Variants in NFIC observed in about 807,000 individuals in gnomAD.
The protein encoded by NFIC is nuclear factor I C, also known as nuclear factor 1 C-type.
Under a neutral mutation model 54.4 loss-of-function variants are expected in NFIC, and 12 were observed. That is an observed-to-expected ratio of 0.22 (90% CI 0.14 to 0.36). The LOEUF is 0.36. NFIC is among the 10% of genes least tolerant of loss of function. The pLI is 1.00. For missense variants in NFIC, 575 were observed against 718.2 expected, an observed-to-expected ratio of 0.80 and a Z score of 2.28; for synonymous variants, 322 against 319.2, an observed-to-expected ratio of 1.01 and a Z score of -0.09.
chr19:3,415,935 G>A (rs113041217), intron 2 of NFIC, among the ~76,000 whole-genome samples: 1,742 of 152,054 alleles, frequency 0.011, 32 homozygotes, highest in African/African-American at 0.041. Context: ...GGCAGGAGGA[G>A]CGCTTCAGCC....
intron 2 of NFIC, among the ~76,000 whole-genome samples, chr19:3,404,795 C>T (rs913108431): frequency 2.6e-5 from 4 of 152,216 alleles, no homozygotes; most frequent in Non-Finnish European, 5.9e-5. Flanking sequence ...CGAGTCCCTA[C>T]GCGCAGGCCT....
intron 2 of NFIC, among the ~76,000 whole-genome samples, chr19:3,400,507 TCA>T (rs1182857213): frequency 1.3e-5 from 2 of 151,150 alleles, no homozygotes; most frequent in Non-Finnish European, 2.9e-5. Flanking sequence ...CTCGTGGAAC[TCA>T]CAGTTTGGTT....
chr19:3,390,993 T>C (rs2081368592), intron 2 of NFIC, among the ~76,000 whole-genome samples: 1 of 152,128 alleles, frequency 6.6e-6, no homozygotes, highest in Non-Finnish European at 1.5e-5. Flanking sequence ...TTAATGCCAC[T>C]GAACTTAGAA....
chr19:3,449,634 C>A (rs371840980), intron 7 of NFIC, among the ~76,000 whole-genome samples: 24 of 151,514 alleles, frequency 1.6e-4, no homozygotes, highest in African/African-American at 4.8e-4. Flanking sequence ...GTGGCACGCA[C>A]CTGTAGTCCC....
At chr19:3,434,867 C>A (rs1221950973) in intron 5 of NFIC, among the ~76,000 whole-genome samples, 1 of 152,248 alleles carries the variant, frequency 6.6e-6, no homozygotes, top group African/African-American at 2.4e-5. Flanking sequence ...TTGAGACCCT[C>A]CCTGCCTCTG....
intron 2 of NFIC, among the ~76,000 whole-genome samples, chr19:3,406,671 G>A (rs777627490): frequency 2.0e-5 from 3 of 152,158 alleles, no homozygotes; most frequent in African/African-American, 4.8e-5. Flanking sequence ...ACAGGAAGGG[G>A]GCAGAGGCTC....
Position 3,434,334 on chromosome 19 carries a change from T to C in NFIC, c.767T>C (p.Leu256Pro), listed in dbSNP as rs758639568. The C allele has an allele frequency of 6.2e-7, 1 of 1,613,492 alleles. No individual in the cohort carries two copies. The change falls in exon 5 of 11, where the codon CTG (leucine) becomes CCG (proline). Residue 256 changes from leucine (L) to proline (P), a missense_variant. By Grantham distance (98) the Leu-to-Pro change is moderately conservative (BLOSUM62 -3). Around this residue, in one of 3 missense-constraint regions of NFIC, gnomAD observed 447 missense variants for 526.9 expected, o/e 0.85. Transcript: ENST00000443272. ...TCCCTGGGGGAGCTGCAGGGGCACC[T>C]GGCATACGACCTGAACCCAGCCAGC... is the stretch of plus-strand genomic sequence containing the variant. ...NFSLGELQGHLAYDLNPASTG... is the reference protein window; with the variant it reads ...NFSLGELQGHPAYDLNPASTG...
rs1042591442 is a variant in NFIC, at chr19:3,452,186, G to T, written c.1085-296G>T. Among the ~76,000 whole-genome samples the T allele has an allele frequency of 6.6e-6, 1 of 151,216 alleles. No homozygotes were observed. The highest frequency in any genetic ancestry group is 6.6e-5 in the Admixed American group (1 of 15,140). On this transcript the variant is annotated intron_variant, in intron 7 of 10. Transcript: ENST00000443272. The surrounding 1 kb of genome is among the most constrained non-coding windows in gnomAD (Gnocchi z 5.3). Reference sequence around the variant, plus strand: ...TTTGGGAGGCCTAGGAGGGAGGATCGCTTGAGCCCAGGAGTTCGAGACCTG... The same window carrying T: ...TTTGGGAGGCCTAGGAGGGAGGATCTCTTGAGCCCAGGAGTTCGAGACCTG...
In NFIC at chr19:3,405,602, T is replaced by A. The variant is rs552440914; in HGVS notation, c.563-19504T>A. On this transcript the variant is annotated intron_variant, in intron 2 of 10. Coordinates refer to ENST00000443272, the MANE Select transcript of NFIC (RefSeq NM_001245002.2). The stretch of plus-strand genomic sequence containing the variant: ...TTTTATTTAATTTAATTTATTTATT[T>A]ATTTATTTATTTTTGAGATGGAGTT... Among the ~76,000 whole-genome samples the A allele has an allele frequency of 3.1e-3, 465 of 152,144 alleles. 1 individual carries two copies. The highest frequency in any genetic ancestry group is 9.9e-3 in the African/African-American group (413 of 41,540).
At chr19:3,422,489 G>A (rs577529799) in intron 2 of NFIC, among the ~76,000 whole-genome samples, 5 of 151,576 alleles carry the variant, frequency 3.3e-5, no homozygotes, top group South Asian at 2.1e-4. Flanking sequence ...AGGCCGAGGC[G>A]GGCGGATCAC....
intron 3 of NFIC, among the ~76,000 whole-genome samples, chr19:3,431,360 C>CTTT (rs71164702): frequency 3.1e-4 from 26 of 84,170 alleles, no homozygotes; most frequent in East Asian, 1.1e-3. Context: ...TTTCCTTCTT[C>CTTT]TTTTTTTTTT....
chr19:3,429,247 AATAT>A lies in NFIC; in HGVS notation c.634+4074_634+4077del, dbSNP rs1246981069. 8.0e-5 allele frequency among the ~76,000 whole-genome samples: 3 copies of A among 37,694 alleles called. 1 individual carries two copies. The highest frequency in any genetic ancestry group is 3.0e-3 in the East Asian group (2 of 664). 24.7% of individuals were successfully genotyped at this position (37,694 alleles called of 152,430 possible). A position where few individuals can be genotyped will look rare whatever the true frequency, so the allele number is the denominator to read the frequency against. ...TCTCTACCCCAAAAAAAAAAAAAAA[AATAT>A]ATACACACACACACACACACACACA... On this transcript the variant is annotated intron_variant, in intron 3 of 10. Transcript: ENST00000443272.
At chr19:3,368,913 C>CTGTGTGTGTGTGTGTGTGTG (rs59920512) in intron 1 of NFIC, among the ~76,000 whole-genome samples, 166 of 147,058 alleles carry the variant, frequency 1.1e-3, no homozygotes, top group African/African-American at 4.2e-3. Flanking sequence ...TGCTCTGACT[C>CTGTGTGTGTGTGTGTGTGTG]TGTGTGTGTG....
chr19:3,422,527 C>T (rs2081968386), intron 2 of NFIC, among the ~76,000 whole-genome samples: 1 of 151,326 alleles, frequency 6.6e-6, no homozygotes, highest in Non-Finnish European at 1.5e-5. Context: ...ACCATCCTGG[C>T]TAACACGGTG....
rs559632379 is a variant in NFIC at position 3,421,467 on chromosome 19, G to A, written c.563-3639G>A. ...AGGGGCCGCTGGCAGCCCCAGCCTG[G>A]GATCGGCTGCAGGGCTTGGGGCCGA... On this transcript the variant is annotated intron_variant, in intron 2 of 10. Transcript: ENST00000443272. Among the ~76,000 whole-genome samples the A allele has an allele frequency of 2.5e-3, 375 of 152,364 alleles. 2 individuals carry two copies. The highest frequency in any genetic ancestry group is 8.7e-3 in the African/African-American group (362 of 41,582).
chr19:3,393,559 A>T (rs978064649), intron 2 of NFIC, among the ~76,000 whole-genome samples: 1 of 151,962 alleles, frequency 6.6e-6, no homozygotes, highest in Non-Finnish European at 1.5e-5. Context: ...TCACACCTGT[A>T]ATCCCAGCAC....
rs144560186 is a variant in NFIC, at chr19:3,406,829, C to T, written c.563-18277C>T. 1.5e-4 allele frequency among the ~76,000 whole-genome samples: 23 copies of T among 152,292 alleles called. 1 individual carries two copies. The East Asian group carries it at 4.4e-3, about 29-fold the overall frequency. ...GCCGGGAGCTGTGGACGATAAACCA[C>T]ATTTGAACAGAAGCCTGAATAAAGC... On this transcript the variant is annotated intron_variant, in intron 2 of 10. Coordinates refer to ENST00000443272, the MANE Select transcript of NFIC (RefSeq NM_001245002.2).
Position 3,464,570 on chromosome 19 carries a change from ACTCCC to A in NFIC, c.*1803_*1807del. 1 of 953,888 alleles carries A rather than the reference ACTCCC, an allele frequency of 1.0e-6. No individual in the cohort carries two copies. The highest frequency in any genetic ancestry group is 1.2e-6 in the Non-Finnish European group (1 of 810,070). 59.1% of individuals were successfully genotyped at this position (953,888 alleles called of 1,614,324 possible). On this transcript the variant is annotated 3_prime_UTR_variant, in exon 11 of 11. Transcript: ENST00000443272. ...AACTGACCTCCATGCCTAGGGAAAA[ACTCCC>A]CCCACCACTGCCCCCTCCCCCGACC...
intron 1 of NFIC, among the ~76,000 whole-genome samples, chr19:3,361,008 G>A (rs1449669335): frequency 6.6e-6 from 1 of 152,206 alleles, no homozygotes; most frequent in Non-Finnish European, 1.5e-5. Flanking sequence ...CCTGTAACTG[G>A]GGACTGCCTG....
Sources: gnomAD v4.1 joint callset for allele counts (sites outside exome capture counted in the v4.1 genomes callset) on GRCh38, gnomAD v4.1.1 for gene constraint, gnomAD v4.1.1 regional missense constraint, Gnocchi (gnomAD v3.1) non-coding constraint, MANE v1.5 for transcripts, NCBI Gene and HGNC (gene_info 2026-07-23, HGNC 2026-07-21) for gene names.